GATA4: variants seen among roughly 807,000 people sequenced by gnomAD.
GATA4 encodes transcription factor GATA-4.
In GATA4, 7 loss-of-function variants were observed where a neutral mutation model predicts 37.9. The observed-to-expected ratio is 0.18, with a 90% confidence interval of 0.11 to 0.35. The LOEUF is 0.35. GATA4 is among the 10% of genes least tolerant of loss of function. The pLI is 1.00. For missense variants in GATA4, 647 were observed against 653.0 expected (o/e 0.99, Z 0.10); for synonymous variants, 372 against 292.6 (o/e 1.27, Z -2.77).
intron 1 of GATA4, chr8:11,697,645 C>A (rs567575796): frequency 1.8e-5 from 18 of 985,350 alleles, no homozygotes; most frequent in Non-Finnish European, 2.0e-5. Context: ...CACAGCCCCC[C>A]TTTCAGAGGA....
At chr8:11,688,755 T>C (rs4841583), upstream of GATA4, among the ~76,000 whole-genome samples, 1 of 152,068 alleles carries the variant, frequency 6.6e-6, no homozygotes, top group Non-Finnish European at 1.5e-5. Flanking sequence ...ATGAGAATAG[T>C]GTTAGGAAAA....
In GATA4 at chr8:11,757,743, G is replaced by T. The variant is rs1012879796; in HGVS notation, c.1150-550G>T. On this transcript the variant is annotated intron_variant, in intron 6 of 6. Transcript: ENST00000532059. ...GTTCCCTCTGGCGGAGGACGATGGC[G>T]TCTCGGCCTCCCTGCCTCCTCCCCT... 3.3e-5 allele frequency among the ~76,000 whole-genome samples: 5 copies of T among 152,244 alleles called. No individual in the cohort carries two copies. The East Asian group carries it at 7.7e-4, about 23-fold the overall frequency.
chr8:11,702,666 C>T (rs1458764184), upstream of GATA4, among the ~76,000 whole-genome samples: 1 of 151,530 alleles, frequency 6.6e-6, no homozygotes, highest in Non-Finnish European at 1.5e-5. This position sits in a 1 kb window ranked among gnomAD's most constrained non-coding sequence, Gnocchi z 4.4. Context: ...TGCTAAGTAG[C>T]AGGCTAGGAA....
intron 2 of GATA4, among the ~76,000 whole-genome samples, chr8:11,746,089 G>C (rs1223770509): frequency 6.6e-6 from 1 of 152,196 alleles, no homozygotes; most frequent in Non-Finnish European, 1.5e-5. Flanking sequence ...AGACCAGCCT[G>C]GGCAACACAG....
chr8:11,734,495 C>CT (rs759816221), intron 2 of GATA4, among the ~76,000 whole-genome samples: 88 of 150,500 alleles, frequency 5.8e-4, no homozygotes, highest in Non-Finnish European at 9.4e-4. Flanking sequence ...CTTTTCTTTT[C>CT]TTTTTTTTGA....
rs1800081909 is a variant in GATA4 at position 11,709,629 on chromosome 8, C to T, written c.616+701C>T. ...TGTCCGGGAACATAGGGACCTCAAA[C>T]GCGCTTGTTCATGACACCCGAGTTA... On this transcript the variant is annotated intron_variant, in intron 2 of 6. Coordinates refer to ENST00000532059, the MANE Select transcript of GATA4 (RefSeq NM_001308093.3). The surrounding 1 kb of genome is among the most constrained non-coding windows in gnomAD (Gnocchi z 4.3). Among the ~76,000 whole-genome samples, 1 of 149,098 alleles carries T rather than the reference C, an allele frequency of 6.7e-6. No individual in the cohort carries two copies. The highest frequency in any genetic ancestry group is 2.1e-4 in the South Asian group (1 of 4,742).
chr8:11,716,549 G>C (rs761755763), intron 2 of GATA4, among the ~76,000 whole-genome samples: 1 of 152,190 alleles, frequency 6.6e-6, no homozygotes, highest in Non-Finnish European at 1.5e-5. Flanking sequence ...GCTTTACTGA[G>C]AGGGGGAAAT....
chr8:11,745,170 G>T (rs1006573085), intron 2 of GATA4, among the ~76,000 whole-genome samples: 1 of 152,164 alleles, frequency 6.6e-6, no homozygotes, highest in African/African-American at 2.4e-5. Flanking sequence ...GAGCCTGCAG[G>T]AGCTGCTGAG....
chr8:11,693,076 G>C (rs1046587207), intron 1 of GATA4: 1 of 984,940 alleles, frequency 1.0e-6, no homozygotes, highest in African/African-American at 1.7e-5. Context: ...TTTTCTACCC[G>C]GCAACAAATA....
chr8:11,745,670 G>A (rs978152345), intron 2 of GATA4, among the ~76,000 whole-genome samples: 4 of 152,124 alleles, frequency 2.6e-5, no homozygotes, highest in Non-Finnish European at 5.9e-5. Context: ...TAATTGTGAG[G>A]AGAAAAGAGA....
At chr8:11,721,160 C>T (rs1018409690) in intron 2 of GATA4, among the ~76,000 whole-genome samples, 3 of 151,458 alleles carry the variant, frequency 2.0e-5, no homozygotes, top group African/African-American at 7.3e-5. Flanking sequence ...AAAGTGGGTT[C>T]TACGGAGCCC....
upstream of GATA4, chr8:11,704,089 A>G (rs944611351): frequency 6.6e-6 from 1 of 152,274 alleles, no homozygotes; most frequent in East Asian, 1.9e-4. Context: ...GCCTGCGCCC[A>G]GCGGAGGTGT....
rs954311704 is a variant in GATA4, at chr8:11,686,868, C to T, written c.-274+9805C>T. ...CAAAAATTACCTGGGCATGGTGGGG[C>T]GCGCCTGTAATCCCAGCTACTCAGG... On this transcript the variant is annotated intron_variant, in intron 1 of 6. Coordinates refer to the GATA4 transcript ENST00000528712. Among the ~76,000 whole-genome samples, 5 of 152,040 alleles carry T rather than the reference C, an allele frequency of 3.3e-5. No homozygotes were observed. In the South Asian group the frequency reaches 6.2e-4, roughly 19 times the overall value.
intron 2 of GATA4, among the ~76,000 whole-genome samples, chr8:11,735,421 T>C (rs1384502349): frequency 6.6e-6 from 1 of 152,230 alleles, no homozygotes; most frequent in Non-Finnish European, 1.5e-5. Context: ...TGTTTTTATG[T>C]AATTTTAAAA....
At chr8:11,741,924 C>T (rs571728446) in intron 2 of GATA4, among the ~76,000 whole-genome samples, 8 of 152,336 alleles carry the variant, frequency 5.3e-5, no homozygotes, top group African/African-American at 1.9e-4. Flanking sequence ...GCCAAGGCAT[C>T]TGTGGGCAGC....
At chr8:11,700,482 G>A (rs1375813422), upstream of GATA4, 1 of 152,304 alleles carries the variant, frequency 6.6e-6, no homozygotes, top group Non-Finnish European at 1.5e-5. Flanking sequence ...CCTTGCAGCT[G>A]AATTCGTTCT....
intron 2 of GATA4, among the ~76,000 whole-genome samples, chr8:11,729,951 G>C (rs1036303593): frequency 1.3e-5 from 2 of 151,916 alleles, no homozygotes; most frequent in Non-Finnish European, 2.9e-5. Context: ...TTTGAGAGAA[G>C]GTCTTGCTCC....
chr8:11,739,989 A>T (rs187312918), intron 2 of GATA4, among the ~76,000 whole-genome samples: 166 of 152,334 alleles, frequency 1.1e-3, no homozygotes, highest in South Asian at 1.4e-3. Flanking sequence ...GAGCCGACTC[A>T]ACAAGGCAGT....
At chr8:11,727,247 T>G (rs1800970737) in intron 2 of GATA4, among the ~76,000 whole-genome samples, 1 of 152,164 alleles carries the variant, frequency 6.6e-6, no homozygotes, top group Non-Finnish European at 1.5e-5. Flanking sequence ...TCCTCCCCTG[T>G]GTAAACACAT....
Sources: gnomAD v4.1 joint callset for allele counts (sites outside exome capture counted in the v4.1 genomes callset) on GRCh38, gnomAD v4.1.1 for gene constraint, Gnocchi (gnomAD v3.1) non-coding constraint, MANE v1.5 for transcripts, NCBI Gene and HGNC (gene_info 2026-07-23, HGNC 2026-07-21) for gene names.